The following TANC1 variants were observed in gnomAD, a reference collection of about 807,000 sequenced individuals.
The protein encoded by TANC1 is protein TANC1.
In TANC1, 77 loss-of-function variants were observed where a neutral mutation model predicts 149.7. The observed-to-expected ratio is 0.51, with a 90% CI of 0.43 to 0.62. The LOEUF (loss-of-function observed/expected upper bound fraction) is 0.62. Ranked by LOEUF, TANC1 falls within the 20% of genes least tolerant of loss-of-function variation. The pLI is 0.00. For missense variants in TANC1, 1,985 were observed against 2,321.8 expected, an observed-to-expected ratio of 0.85 and a Z score of 2.98; for synonymous variants, 854 against 925.0, an observed-to-expected ratio of 0.92 and a Z score of 1.39.
chr2:159,015,079 C>T (rs1020892304), intron 2 of TANC1, among the ~76,000 whole-genome samples: 1 of 152,240 alleles, frequency 6.6e-6, no homozygotes, highest in African/African-American at 2.4e-5. Context: ...TCTGACCCCA[C>T]ATTTCCTTTC....
Position 159,172,111 on chromosome 2 carries a change from T to C in TANC1, c.1352-10T>C. The C allele has an allele frequency of 6.2e-7, 1 of 1,613,658 alleles. No homozygotes were observed. The highest frequency in any genetic ancestry group is 8.5e-7 in the Non-Finnish European group (1 of 1,179,674). ...GTGATGTACATAATGAAATGGGTCT[T>C]TCTCTGCAGCCTCTGACCCCACTCA... is the stretch of plus-strand genomic sequence containing the variant. On this transcript the variant is annotated splice_polypyrimidine_tract_variant and intron_variant, in intron 10 of 26. Transcript: ENST00000263635.
intron 14 of TANC1, among the ~76,000 whole-genome samples, chr2:159,183,208 G>A (rs182643020): frequency 3.9e-5 from 6 of 152,316 alleles, no homozygotes; most frequent in Non-Finnish European, 1.5e-5. Flanking sequence ...CCAGAAACTA[G>A]GTGTGGCATT....
chr2:159,043,143 CA>C (rs1159000221), intron 2 of TANC1, among the ~76,000 whole-genome samples: 1 of 152,160 alleles, frequency 6.6e-6, no homozygotes, highest in African/African-American at 2.4e-5. Context: ...CTGGGCTTGA[CA>C]GTATGTCCAT....
At chr2:159,149,461 A>C in intron 6 of TANC1, 189 bp downstream of exon 6, 1 of 715,256 alleles carries the variant, frequency 1.4e-6, no homozygotes, top group Non-Finnish European at 2.4e-6. Flanking sequence ...GAAAAGCAGA[A>C]AGAAGCAGAA....
In TANC1 at chr2:159,231,668, A is replaced by G. The variant is rs191193857; in HGVS notation, c.*656A>G. On this transcript the variant is annotated 3_prime_UTR_variant, in exon 27 of 27. Coordinates refer to ENST00000263635, the MANE Select transcript of TANC1 (RefSeq NM_033394.3). Reference sequence around the variant, plus strand: ...TATTTTTATAGCACTTTTGGAACCTATATTTGTGCTTGAAGGTGTTTTTGA... The same window carrying G: ...TATTTTTATAGCACTTTTGGAACCTGTATTTGTGCTTGAAGGTGTTTTTGA... The G allele has an allele frequency of 1.5e-4, 23 of 152,264 alleles. No homozygotes were observed. In the East Asian group the frequency reaches 3.3e-3, roughly 22 times the overall value. The allele number at this position is 152,264 out of a possible 1,614,324, so 9.4% of individuals were successfully genotyped here. A position where few individuals can be genotyped will look rare whatever the true frequency, so the allele number is the denominator to read the frequency against.
At chr2:159,153,734 T>A (rs2053117824) in intron 7 of TANC1, among the ~76,000 whole-genome samples, 1 of 151,984 alleles carries the variant, frequency 6.6e-6, no homozygotes. Flanking sequence ...TTCCACTGCC[T>A]CTTCACAGAG....
chr2:159,165,024 T>C (rs1575050906), intron 8 of TANC1, among the ~76,000 whole-genome samples: 2 of 152,224 alleles, frequency 1.3e-5, no homozygotes, highest in Non-Finnish European at 2.9e-5. Flanking sequence ...TACCTAGTTA[T>C]GATGAATGGG....
intron 3 of TANC1, among the ~76,000 whole-genome samples, chr2:159,078,660 C>T (rs986847132): frequency 1.3e-5 from 2 of 152,114 alleles, no homozygotes; most frequent in Non-Finnish European, 2.9e-5. Context: ...AGGATTTTTT[C>T]CCCCTCCATC....
At chr2:159,061,284 C>G (rs945311944) in intron 2 of TANC1, among the ~76,000 whole-genome samples, 11 of 152,108 alleles carry the variant, frequency 7.2e-5, no homozygotes, top group African/African-American at 2.2e-4. Context: ...ACAGGATACC[C>G]CCCAATATGG....
At chr2:159,030,635 T>G (rs1453488018) in intron 2 of TANC1, among the ~76,000 whole-genome samples, 2 of 152,196 alleles carry the variant, frequency 1.3e-5, no homozygotes, top group African/African-American at 2.4e-5. Flanking sequence ...GAGGATTCAG[T>G]GGCTTCAGCA....
At chr2:159,202,008 T>C (rs1243889845) in intron 19 of TANC1, among the ~76,000 whole-genome samples, 1 of 152,244 alleles carries the variant, frequency 6.6e-6, no homozygotes, top group South Asian at 2.1e-4. Context: ...GCACAAATTC[T>C]TCCTCCAGTT....
At chr2:159,096,824 A>C (rs1422866137) in intron 3 of TANC1, among the ~76,000 whole-genome samples, 1 of 152,184 alleles carries the variant, frequency 6.6e-6, no homozygotes, top group Non-Finnish European at 1.5e-5. Context: ...GATTGGCGGG[A>C]AAGTTGTTGA....
At chr2:159,165,334 C>A (rs2054479915) in intron 8 of TANC1, among the ~76,000 whole-genome samples, 1 of 152,202 alleles carries the variant, frequency 6.6e-6, no homozygotes, top group Admixed American at 6.5e-5. Flanking sequence ...TTGAGCTAGA[C>A]CTCCTGTGGA....
intron 4 of TANC1, among the ~76,000 whole-genome samples, chr2:159,117,430 C>T: frequency 6.6e-6 from 1 of 151,940 alleles, no homozygotes; most frequent in Non-Finnish European, 1.5e-5. Flanking sequence ...GGGTCTTGCT[C>T]TGTTGCCCAG....
chr2:159,179,008 G>C lies in TANC1; in HGVS notation c.2355G>C (p.Glu785Asp), dbSNP rs751567580. 25 of 1,614,114 alleles carry C rather than the reference G, an allele frequency of 1.5e-5. No individual in the cohort carries two copies. Among genetic ancestry groups the C allele is most frequent in the Non-Finnish European group, 2.0e-5 (24 of 1,180,036 alleles). The change falls in exon 14 of 27, where the codon GAG becomes GAC. Residue 785 changes from glutamate to aspartate, a missense_variant. Physicochemically the swap from Glu to Asp is conservative, Grantham distance 45. Coordinates refer to ENST00000263635, the MANE Select transcript of TANC1 (RefSeq NM_033394.3). ...TTAATGCTGGCCACATCCAGGGGGAGCAGGGATGGGAAGACTTTCAGCAGA... is the reference window on the plus strand; with the variant it reads ...TTAATGCTGGCCACATCCAGGGGGACCAGGGATGGGAAGACTTTCAGCAGA... Reference protein sequence around the residue: ...QAINAGHIQGEQGWEDFQQRM... With the variant: ...QAINAGHIQGDQGWEDFQQRM...
intron 19 of TANC1, among the ~76,000 whole-genome samples, chr2:159,213,006 A>T (rs1311329386): frequency 6.6e-6 from 1 of 152,092 alleles, no homozygotes; most frequent in African/African-American, 2.4e-5. Flanking sequence ...CAAGAAAAGC[A>T]GTTAACAAAG....
chr2:159,170,079 G>A (rs910897256), intron 9 of TANC1, among the ~76,000 whole-genome samples: 1 of 152,040 alleles, frequency 6.6e-6, no homozygotes, highest in Admixed American at 6.5e-5. Flanking sequence ...CAGCCTCACT[G>A]TACAGGCAGA....
chr2:159,164,173 G>A (rs1156488869), intron 8 of TANC1, among the ~76,000 whole-genome samples: 1 of 152,130 alleles, frequency 6.6e-6, no homozygotes, highest in African/African-American at 2.4e-5. Context: ...CACCAGGTGT[G>A]TGTCAAGCAA....
intron 21 of TANC1, 76 bp downstream of exon 21, chr2:159,219,437 C>T (rs1202071185): frequency 6.3e-7 from 1 of 1,583,870 alleles, no homozygotes; most frequent in African/African-American, 1.4e-5. Flanking sequence ...TCAGTGCTTT[C>T]TGATTCAAAT....
Sources: allele counts gnomAD v4.1 joint callset (sites outside exome capture counted in the v4.1 genomes callset), GRCh38; gene constraint gnomAD v4.1.1; transcripts MANE v1.5; gene names NCBI Gene and HGNC (gene_info 2026-07-23, HGNC 2026-07-21).